Variants in CBLN2 observed in about 807,000 individuals in gnomAD.
CBLN2 encodes the protein cerebellin-2.
In CBLN2, 7 loss-of-function variants were observed where a neutral mutation model predicts 15.0. The ratio of observed to expected loss-of-function variants is 0.47; its 90% CI spans 0.27 to 0.88. CBLN2 has a LOEUF of 0.88. Among genes scored for constraint, CBLN2 ranks in the 40% least tolerant of loss-of-function variants. The pLI, the probability that CBLN2 is intolerant of heterozygous loss-of-function variation, is 0.14. For missense variants in CBLN2, 242 were observed against 304.5 expected (o/e 0.79, Z 1.53); for synonymous variants, 149 against 135.2 (o/e 1.10, Z -0.71).
chr18:72,623,019 A>G (rs988780251), intron 1 of CBLN2, among the ~76,000 whole-genome samples: 21 of 152,214 alleles, frequency 1.4e-4, no homozygotes, highest in African/African-American at 5.1e-4. Flanking sequence ...CTGTACAGGC[A>G]TGGCTGGGGA....
chr18:72,558,808 A>C (rs2069242095), intron 1 of CBLN2, among the ~76,000 whole-genome samples: 1 of 152,096 alleles, frequency 6.6e-6, no homozygotes. Context: ...TAATCCCAGC[A>C]CTTTGGAAGG....
intron 1 of CBLN2, among the ~76,000 whole-genome samples, chr18:72,566,998 C>CT (rs1423358514): frequency 6.6e-6 from 1 of 151,992 alleles, no homozygotes; most frequent in Non-Finnish European, 1.5e-5. Context: ...TAATTCTGTA[C>CT]TTTTTGTAGA....
At chr18:72,573,911 A>C (rs1021130221) in intron 1 of CBLN2, among the ~76,000 whole-genome samples, 2 of 152,214 alleles carry the variant, frequency 1.3e-5, no homozygotes, top group African/African-American at 4.8e-5. Flanking sequence ...AGCAATAAAT[A>C]AGAGTTCTTG....
intron 3 of CBLN2, among the ~76,000 whole-genome samples, chr18:72,540,467 G>A (rs1434842225): frequency 6.6e-6 from 1 of 152,060 alleles, no homozygotes; most frequent in Non-Finnish European, 1.5e-5. Flanking sequence ...CAAATGCAAA[G>A]GTGGATATAA....
chr18:72,553,919 G>A (rs1335134873), intron 1 of CBLN2, among the ~76,000 whole-genome samples: 2 of 152,176 alleles, frequency 1.3e-5, no homozygotes, highest in Non-Finnish European at 2.9e-5. Context: ...GAAGACAACT[G>A]TCAGATTCGT....
intron 1 of CBLN2, among the ~76,000 whole-genome samples, chr18:72,615,044 T>TATATATATATATATAA (rs1354704571): frequency 7.2e-5 from 10 of 138,520 alleles, no homozygotes; most frequent in African/African-American, 2.4e-4. Context: ...TACATATATA[T>TATATATATATATATAA]ATATATATAT....
At chr18:72,556,641 T>A (rs531353182) in intron 1 of CBLN2, among the ~76,000 whole-genome samples, 1 of 152,158 alleles carries the variant, frequency 6.6e-6, no homozygotes, top group Admixed American at 6.5e-5. Flanking sequence ...GGGAGAGTTA[T>A]GGAGCAATGA....
intron 1 of CBLN2, chr18:72,618,390 G>A (rs2144963405): frequency 3.6e-6 from 2 of 554,808 alleles, no homozygotes; most frequent in Non-Finnish European, 6.7e-6. Context: ...AATACTCACA[G>A]ACTAGGCGGT....
chr18:72,583,242 C>T (rs1237587938), intron 1 of CBLN2, among the ~76,000 whole-genome samples: 1 of 152,204 alleles, frequency 6.6e-6, no homozygotes, highest in Non-Finnish European at 1.5e-5. Context: ...CCAGGCAGAG[C>T]TAAATCCTTG....
rs1491098154 is a variant in CBLN2 at position 72,625,787 on chromosome 18, A to ATT, written c.15+12537_15+12538insAA. On this transcript the variant is annotated intron_variant, in intron 1 of 2. Coordinates refer to the CBLN2 transcript ENST00000581073. The stretch of plus-strand genomic sequence containing the variant: ...ATATATATATGACTATATATATATG[A>ATT]CTCTCTCTCTCTCTCTCTCTCTCTC... Among the ~76,000 whole-genome samples, 39 of 79,470 alleles carry ATT rather than the reference A, an allele frequency of 4.9e-4. 1 individual carries two copies. The highest frequency in any genetic ancestry group is 3.3e-4 in the Non-Finnish European group (13 of 39,726). The allele number at this position is 79,470 out of a possible 152,430, so 52.1% of individuals were successfully genotyped here.
intron 1 of CBLN2, among the ~76,000 whole-genome samples, chr18:72,558,039 A>G (rs1234788629): frequency 6.6e-6 from 1 of 152,160 alleles, no homozygotes; most frequent in Non-Finnish European, 1.5e-5. Context: ...TATGTCACGG[A>G]AGGTTTCCTA....
chr18:72,614,423 C>A (rs550447342), intron 1 of CBLN2, among the ~76,000 whole-genome samples: 1 of 152,122 alleles, frequency 6.6e-6, no homozygotes, highest in South Asian at 2.1e-4. Flanking sequence ...GGTGTGATTT[C>A]TTCTTTTATT....
chr18:72,540,138 G>T (rs1237349865), intron 3 of CBLN2: 1 of 152,130 alleles, frequency 6.6e-6, no homozygotes, highest in Non-Finnish European at 1.5e-5. Flanking sequence ...GTCTCACAAG[G>T]CTATGCTCGC....
intron 1 of CBLN2, among the ~76,000 whole-genome samples, chr18:72,551,410 C>T (rs906433141): frequency 4.6e-5 from 7 of 152,178 alleles, no homozygotes; most frequent in African/African-American, 1.7e-4. Context: ...AGACTGGACA[C>T]ATTTTAATCC....
Position 72,538,388 on chromosome 18 carries a change from G to C in CBLN2, c.478-15C>G. On this transcript the variant is annotated splice_polypyrimidine_tract_variant and intron_variant, in intron 4 of 4. Transcript: ENST00000269503. Reference sequence around the variant, plus strand: ...ATTAAACTGACCTAAAATGCAGAGAGTAGAGCTCAGCAGACCATAAAGCAC... The same window carrying C: ...ATTAAACTGACCTAAAATGCAGAGACTAGAGCTCAGCAGACCATAAAGCAC... 6.2e-7 allele frequency: 1 copy of C among 1,613,440 alleles called. No individual in the cohort carries two copies. Among genetic ancestry groups the C allele is most frequent in the Non-Finnish European group, 8.5e-7 (1 of 1,179,568 alleles).
At chr18:72,630,564 C>CAGAGAGAGAGAGAGAG (rs368831135) in intron 1 of CBLN2, among the ~76,000 whole-genome samples, 1,783 of 135,426 alleles carry the variant, frequency 0.013, 19 homozygotes, top group East Asian at 0.031. Flanking sequence ...CACACACATG[C>CAGAGAGAGAGAGAGAG]AGAGAGAGAG....
intron 1 of CBLN2, among the ~76,000 whole-genome samples, chr18:72,564,156 G>A (rs1315336242): frequency 2.0e-5 from 3 of 151,972 alleles, no homozygotes; most frequent in Non-Finnish European, 4.4e-5. Flanking sequence ...AAAACAAGGC[G>A]ACATGATACC....
At chr18:72,596,671 G>C in intron 1 of CBLN2, among the ~76,000 whole-genome samples, 1 of 152,120 alleles carries the variant, frequency 6.6e-6, no homozygotes. Context: ...GTGTTTGAAG[G>C]ATATTTTTAC....
intron 1 of CBLN2, among the ~76,000 whole-genome samples, chr18:72,579,752 A>G (rs1473165622): frequency 6.6e-6 from 1 of 152,094 alleles, no homozygotes; most frequent in African/African-American, 2.4e-5. Context: ...AAAAACAAAA[A>G]ACAAAAACAA....
Sources: gnomAD v4.1 joint callset for allele counts (sites outside exome capture counted in the v4.1 genomes callset) on GRCh38, gnomAD v4.1.1 for gene constraint, MANE v1.5 for transcripts, NCBI Gene and HGNC (gene_info 2026-07-23, HGNC 2026-07-21) for gene names.